Variants in ADGRA3 observed in about 807,000 individuals in gnomAD.
ADGRA3 encodes adhesion G protein-coupled receptor A3.
A neutral mutation model predicts 119.8 loss-of-function variants in ADGRA3; 56 were observed. The ratio of observed to expected loss-of-function variants is 0.47; its 90% CI spans 0.38 to 0.58. ADGRA3 has a LOEUF of 0.58. Ranked by LOEUF, ADGRA3 falls within the 20% of genes least tolerant of loss-of-function variation. The probability of loss-of-function intolerance (pLI) is 0.00; values close to 1 mark genes in which losing one functional copy is unlikely to be tolerated. For missense variants in ADGRA3, 1,516 were observed against 1,649.0 expected (o/e 0.92, Z 1.40); for synonymous variants, 607 against 623.8 (o/e 0.97, Z 0.40).
At chr4:22,391,530 C>T (rs1714135172) in intron 17 of ADGRA3, among the ~76,000 whole-genome samples, 1 of 152,156 alleles carries the variant, frequency 6.6e-6, no homozygotes, top group African/African-American at 2.4e-5. Flanking sequence ...CTCCCTGACA[C>T]TGTTCTGGTC....
chr4:22,439,406 T>C (rs561241348), intron 7 of ADGRA3, among the ~76,000 whole-genome samples: 2 of 152,324 alleles, frequency 1.3e-5, no homozygotes, highest in African/African-American at 2.4e-5. Flanking sequence ...GAGCCTTCAA[T>C]TAACCTTTAT....
At chr4:22,467,675 CATATT>C (rs1560332203) in intron 2 of ADGRA3, among the ~76,000 whole-genome samples, 1 of 152,124 alleles carries the variant, frequency 6.6e-6, no homozygotes, top group African/African-American at 2.4e-5. Flanking sequence ...AAATTCTTGA[CATATT>C]ATATAACATT....
intron 7 of ADGRA3, among the ~76,000 whole-genome samples, 199 bp from the exon 8 acceptor site, chr4:22,438,619 TA>T (rs923705975): frequency 3.9e-5 from 6 of 152,164 alleles, no homozygotes; most frequent in African/African-American, 1.4e-4. Context: ...AAGAGATCTT[TA>T]AAATACACAA....
At chr4:22,456,004 T>C (rs1425738049) in intron 3 of ADGRA3, among the ~76,000 whole-genome samples, 1 of 152,220 alleles carries the variant, frequency 6.6e-6, no homozygotes, top group East Asian at 1.9e-4. Flanking sequence ...TTGCCTCCAA[T>C]GTCCCTATTA....
At chr4:22,415,831 C>A (rs1448319152) in intron 12 of ADGRA3, among the ~76,000 whole-genome samples, 1 of 151,222 alleles carries the variant, frequency 6.6e-6, no homozygotes, top group Non-Finnish European at 1.5e-5. Flanking sequence ...ATCTGTAGAA[C>A]CAATTAAAAA....
At chr4:22,397,808 C>T (rs547010229) in intron 16 of ADGRA3, among the ~76,000 whole-genome samples, 2 of 152,266 alleles carry the variant, frequency 1.3e-5, no homozygotes, top group Non-Finnish European at 2.9e-5. Flanking sequence ...TGCCTTCCAC[C>T]ATGATTGTGA....
intron 3 of ADGRA3, among the ~76,000 whole-genome samples, chr4:22,460,620 T>C (rs990502912): frequency 2.6e-5 from 4 of 152,220 alleles, no homozygotes; most frequent in Non-Finnish European, 5.9e-5. Flanking sequence ...TCTCTAAAAA[T>C]GTATTGCTCC....
intron 12 of ADGRA3, chr4:22,414,381 C>T: frequency 2.3e-6 from 1 of 439,876 alleles, no homozygotes; most frequent in Non-Finnish European, 4.0e-6. Flanking sequence ...AATAATAACA[C>T]ATAGGAACAA....
chr4:22,393,044 T>G (rs961206025), intron 16 of ADGRA3: 57 of 162,738 alleles, frequency 3.5e-4, no homozygotes, highest in South Asian at 1.8e-3. Context: ...TTTTTTTTTT[T>G]GGGACAGAGC....
intron 1 of ADGRA3, among the ~76,000 whole-genome samples, chr4:22,505,643 T>C (rs1719210704): frequency 3.5e-5 from 4 of 114,246 alleles, no homozygotes; most frequent in Admixed American, 3.5e-4. Flanking sequence ...CGAGACTCTG[T>C]CTCAAAAAAA....
chr4:22,421,244 T>TAA (rs759171365), intron 11 of ADGRA3, among the ~76,000 whole-genome samples, 155 bp from the exon 12 acceptor site: 11 of 89,612 alleles, frequency 1.2e-4, no homozygotes, highest in Non-Finnish European at 2.2e-4. Flanking sequence ...ACTGGCAGAA[T>TAA]AAAAAAAAAA....
chr4:22,493,024 G>A (rs1020668107), intron 1 of ADGRA3, among the ~76,000 whole-genome samples: 5 of 152,100 alleles, frequency 3.3e-5, no homozygotes, highest in African/African-American at 1.2e-4. Flanking sequence ...GAGTGCAGAG[G>A]CACAATCACA....
chr4:22,435,518 C>A, intron 9 of ADGRA3, 52 bp from the exon 10 acceptor site: 1 of 1,436,170 alleles, frequency 7.0e-7, no homozygotes, highest in South Asian at 1.4e-5. Flanking sequence ...GCAAAATGAT[C>A]AACACAATCC....
intron 1 of ADGRA3, among the ~76,000 whole-genome samples, chr4:22,474,699 T>G (rs1197587186): frequency 2.0e-5 from 3 of 152,318 alleles, no homozygotes; most frequent in East Asian, 3.9e-4. Context: ...AAGATTACAC[T>G]AGCCAATGGC....
At chr4:22,450,070 G>C (rs1716978362) in intron 4 of ADGRA3, among the ~76,000 whole-genome samples, 1 of 152,068 alleles carries the variant, frequency 6.6e-6, no homozygotes, top group Non-Finnish European at 1.5e-5. Flanking sequence ...GATTTGGGGG[G>C]ACATAAGCAA....
intron 7 of ADGRA3, 84 bp from the exon 8 acceptor site, chr4:22,438,504 C>A: frequency 6.3e-6 from 7 of 1,103,342 alleles, no homozygotes; most frequent in East Asian, 2.6e-5. Flanking sequence ...ATTAATTTAG[C>A]AAATATTTTT....
At chr4:22,447,998 TA>T (rs1716890227) in intron 4 of ADGRA3, among the ~76,000 whole-genome samples, 1 of 152,144 alleles carries the variant, frequency 6.6e-6, no homozygotes, top group Non-Finnish European at 1.5e-5. Flanking sequence ...GTTCAGGGCT[TA>T]AAATGAGAGA....
At chr4:22,434,764 A>G (rs571608850) in intron 10 of ADGRA3, among the ~76,000 whole-genome samples, 6 of 152,316 alleles carry the variant, frequency 3.9e-5, no homozygotes, top group African/African-American at 1.4e-4. Context: ...CAAGCATATC[A>G]TGGTTTCAAT....
chr4:22,494,890 C>T lies in ADGRA3; in HGVS notation c.257+20638G>A, dbSNP rs181407672. Among the ~76,000 whole-genome samples, 788 of 151,918 alleles carry T rather than the reference C, an allele frequency of 5.2e-3. 18 individuals carry two copies. Among genetic ancestry groups the T allele is most frequent in the African/African-American group, 0.018 (745 of 41,276 alleles). On this transcript the variant is annotated intron_variant, in intron 1 of 18. Coordinates refer to ENST00000334304, the MANE Select transcript of ADGRA3 (RefSeq NM_145290.4). The stretch of plus-strand genomic sequence containing the variant: ...TATATGTGGGGCATACTTCCAAGAC[C>T]CCTAGTGGATACTTAAAACCGTGGA...
Sources: gnomAD v4.1 joint callset for allele counts (sites outside exome capture counted in the v4.1 genomes callset) on GRCh38, gnomAD v4.1.1 for gene constraint, MANE v1.5 for transcripts, NCBI Gene and HGNC (gene_info 2026-07-23, HGNC 2026-07-21) for gene names.